The following TMPRSS15 variants were observed in gnomAD, a reference collection of about 807,000 sequenced individuals.
TMPRSS15 encodes enteropeptidase.
A neutral mutation model predicts 125.3 loss-of-function variants in TMPRSS15; 128 were observed. The ratio of observed to expected loss-of-function variants is 1.02; its 90% CI spans 0.89 to 1.18. The LOEUF is 1.18. Among genes scored for constraint, TMPRSS15 ranks in the 50% most tolerant of loss-of-function variants. TMPRSS15 has a pLI of 0.00. For missense variants in TMPRSS15, 1,283 were observed against 1,212.7 expected (o/e 1.06, Z -0.86); for synonymous variants, 446 against 423.2 (o/e 1.05, Z -0.66).
chr21:18,462,438 A>G (rs1428427050), intron 1 of TMPRSS15, among the ~76,000 whole-genome samples: 2 of 152,134 alleles, frequency 1.3e-5, no homozygotes, highest in African/African-American at 4.8e-5. Flanking sequence ...TATTACACCT[A>G]GAAGAAAATT....
At position 18,365,191 on chromosome 21, in the gene TMPRSS15, G is replaced by A. The variant is rs763433228; in HGVS notation, c.722C>T (p.Thr241Ile). Residue 241 changes from threonine (T) to isoleucine (I), a missense_variant, in exon 7 of 25, where the codon ACT (threonine) becomes ATT (isoleucine). Thr to Ile is a moderately conservative substitution (Grantham distance 89). Coordinates refer to ENST00000284885, the MANE Select transcript of TMPRSS15 (RefSeq NM_002772.3). The part of the protein sequence containing the change: ...LTGSSGSFQA[T>I]HYPKPSETSV... ...TGTTTCAGAAGGTTTTGGATAATGA[G>A]TAGCCTGGAAAGACCCAGATGATCC... 2.5e-6 allele frequency: 4 copies of A among 1,614,096 alleles called. No homozygotes were observed. Among genetic ancestry groups the A allele is most frequent in the South Asian group, 1.1e-5 (1 of 91,086 alleles).
chr21:18,366,026 C>A (rs543712942), intron 6 of TMPRSS15, among the ~76,000 whole-genome samples: 6 of 152,114 alleles, frequency 3.9e-5, no homozygotes, highest in African/African-American at 1.4e-4. Flanking sequence ...TGAGCCACTG[C>A]GCCATGCCCA....
At chr21:18,297,127 A>C (rs1168854723) in intron 19 of TMPRSS15, among the ~76,000 whole-genome samples, 1 of 152,242 alleles carries the variant, frequency 6.6e-6, no homozygotes, top group East Asian at 1.9e-4. Context: ...AATAGGAGAA[A>C]TGACTTAATT....
chr21:18,331,547 T>C (rs180718525), intron 14 of TMPRSS15, among the ~76,000 whole-genome samples: 52 of 152,368 alleles, frequency 3.4e-4, no homozygotes, highest in African/African-American at 1.2e-3. Context: ...TAGTGATCTT[T>C]CTTATAATTT....
intron 13 of TMPRSS15, 88 bp downstream of exon 13, chr21:18,341,325 C>G: frequency 6.5e-7 from 1 of 1,532,764 alleles, no homozygotes; most frequent in Admixed American, 1.7e-5. Flanking sequence ...CCTGCTTCAG[C>G]CTCCCGAAGT....
chr21:18,439,036 A>G (rs569546085), intron 1 of TMPRSS15, among the ~76,000 whole-genome samples: 5 of 152,326 alleles, frequency 3.3e-5, no homozygotes, highest in African/African-American at 1.2e-4. Context: ...AAAAATGTTG[A>G]AAACAATCAA....
intron 1 of TMPRSS15, among the ~76,000 whole-genome samples, chr21:18,457,056 T>A (rs1978455361): frequency 6.6e-6 from 1 of 152,108 alleles, no homozygotes; most frequent in Non-Finnish European, 1.5e-5. Flanking sequence ...CTTTGCCCCT[T>A]ACTATGTGAC....
upstream of TMPRSS15, among the ~76,000 whole-genome samples, chr21:18,407,258 C>T (rs536685274): frequency 6.6e-6 from 1 of 151,994 alleles, no homozygotes; most frequent in African/African-American, 2.4e-5. Flanking sequence ...ACCACATAAA[C>T]TTTGACACAG....
At chr21:18,394,076 T>A (rs1380677912) in intron 3 of TMPRSS15, among the ~76,000 whole-genome samples, 2 of 152,170 alleles carry the variant, frequency 1.3e-5, no homozygotes, top group African/African-American at 4.8e-5. Flanking sequence ...AATATTTGCT[T>A]CAGTTTTCCA....
intron 10 of TMPRSS15, among the ~76,000 whole-genome samples, chr21:18,347,456 C>G (rs1480092677): frequency 6.6e-6 from 1 of 152,080 alleles, no homozygotes; most frequent in Non-Finnish European, 1.5e-5. Context: ...AGGCTGCTTT[C>G]AAACTCCTGA....
At chr21:18,340,101 TC>T (rs1456908483) in intron 13 of TMPRSS15, among the ~76,000 whole-genome samples, 1 of 152,204 alleles carries the variant, frequency 6.6e-6, no homozygotes, top group African/African-American at 2.4e-5. Context: ...AAAGTATTGT[TC>T]CTGGGTGTGT....
At chr21:18,417,876 C>T (rs1459096917) in intron 1 of TMPRSS15, among the ~76,000 whole-genome samples, 1 of 151,990 alleles carries the variant, frequency 6.6e-6, no homozygotes. Context: ...TACACACATA[C>T]ACATTCATGC....
In TMPRSS15 at chr21:18,413,292, CTTTT is replaced by C. The variant is rs1255204321; in HGVS notation, c.11-14967_11-14964del. Among the ~76,000 whole-genome samples the C allele has an allele frequency of 9.3e-5, 8 of 85,836 alleles. No individual in the cohort carries two copies. The East Asian group carries it at 3.7e-3, about 40-fold the overall frequency. 56.3% of individuals were successfully genotyped at this position (85,836 alleles called of 152,430 possible). ...TCTTTCTTTTTCTTTTTCTTTCTTTCTTTTCTTTCTTTTCTTTCTTTTCCTTCCT... is the reference window on the plus strand; with the variant it reads ...TCTTTCTTTTTCTTTTTCTTTCTTTCCTTTCTTTTCTTTCTTTTCCTTCCT... On this transcript the variant is annotated intron_variant, in intron 1 of 7. Coordinates refer to the TMPRSS15 transcript ENST00000422787.
In TMPRSS15 at chr21:18,463,246, C is replaced by CAAAAAAAAAAAAAAAAAAAAAAAA. The variant is rs57033426; in HGVS notation, c.10+22529_10+22552dup. Among the ~76,000 whole-genome samples the CAAAAAAAAAAAAAAAAAAAAAAAA allele has an allele frequency of 1.7e-4, 2 of 11,516 alleles. 1 individual carries two copies. Among genetic ancestry groups the CAAAAAAAAAAAAAAAAAAAAAAAA allele is most frequent in the Non-Finnish European group, 3.4e-4 (2 of 5,906 alleles). 7.6% of individuals were successfully genotyped at this position (11,516 alleles called of 152,430 possible). A position where few individuals can be genotyped will look rare whatever the true frequency, so the allele number is the denominator to read the frequency against. ...GAATATTTACCAAGCAAATGGAAAG[C>CAAAAAAAAAAAAAAAAAAAAAAAA]AAAAAAAAAAAAAAAAAAAAAAAAA... On this transcript the variant is annotated intron_variant, in intron 1 of 7. Coordinates refer to the TMPRSS15 transcript ENST00000422787.
At chr21:18,420,313 G>C (rs1186335245) in intron 1 of TMPRSS15, among the ~76,000 whole-genome samples, 1 of 152,154 alleles carries the variant, frequency 6.6e-6, no homozygotes, top group Non-Finnish European at 1.5e-5. Flanking sequence ...CCATTATTTA[G>C]ATTTGCTGAA....
intron 1 of TMPRSS15, among the ~76,000 whole-genome samples, chr21:18,439,805 C>T (rs1271419524): frequency 6.6e-6 from 1 of 152,110 alleles, no homozygotes; most frequent in Non-Finnish European, 1.5e-5. Context: ...CTTTAAAGCT[C>T]TTATTGAAAT....
intron 10 of TMPRSS15, among the ~76,000 whole-genome samples, chr21:18,348,262 G>A (rs1024824145): frequency 2.6e-5 from 4 of 152,030 alleles, no homozygotes; most frequent in Admixed American, 2.0e-4. Context: ...TGAACTATTA[G>A]GTTTTTCTTA....
At chr21:18,361,604 A>C (rs1434170319) in intron 7 of TMPRSS15, among the ~76,000 whole-genome samples, 1 of 152,190 alleles carries the variant, frequency 6.6e-6, no homozygotes. Context: ...AATCAAGGAC[A>C]TTCTTCACAG....
At chr21:18,479,313 A>C (rs1362201913) in intron 1 of TMPRSS15, among the ~76,000 whole-genome samples, 2 of 152,026 alleles carry the variant, frequency 1.3e-5, no homozygotes, top group East Asian at 3.9e-4. Context: ...TTTAATGTCA[A>C]ATGTGGCATA....
Sources: gnomAD v4.1 joint callset for allele counts (sites outside exome capture counted in the v4.1 genomes callset) on GRCh38, gnomAD v4.1.1 for gene constraint, MANE v1.5 for transcripts, NCBI Gene and HGNC (gene_info 2026-07-23, HGNC 2026-07-21) for gene names.